Variants in PRMT3 observed in about 807,000 individuals in gnomAD.
PRMT3 encodes the protein protein arginine methyltransferase 3, also known as protein arginine N-methyltransferase 3.
A neutral mutation model predicts 71.9 loss-of-function variants in PRMT3; 62 were observed. The ratio of observed to expected loss-of-function variants is 0.86; its 90% CI spans 0.70 to 1.07. The LOEUF is 1.07. PRMT3 is among the 50% of genes least tolerant of loss of function. The probability of loss-of-function intolerance (pLI) is 0.00; values close to 1 mark genes in which losing one functional copy is unlikely to be tolerated. For missense variants in PRMT3, 663 were observed against 643.0 expected (o/e 1.03, Z -0.34); for synonymous variants, 213 against 220.4 (o/e 0.97, Z 0.30).
chr11:20,390,490 A>G (rs1848688937), intron 3 of PRMT3, among the ~76,000 whole-genome samples: 1 of 152,242 alleles, frequency 6.6e-6, no homozygotes, highest in Non-Finnish European at 1.5e-5. Context: ...AGCTCAAAGC[A>G]TGACATGAAC....
At chr11:20,427,686 A>G (rs571442684) in intron 10 of PRMT3, among the ~76,000 whole-genome samples, 28 of 152,254 alleles carry the variant, frequency 1.8e-4, no homozygotes, top group African/African-American at 6.7e-4. Context: ...GGATCACGCC[A>G]CTGCACCCCA....
intron 9 of PRMT3, 91 bp downstream of exon 9, chr11:20,408,123 G>GTTTT: frequency 1.1e-6 from 1 of 878,928 alleles, no homozygotes; most frequent in Non-Finnish European, 1.6e-6. Context: ...ATCTAAGGCA[G>GTTTT]ACTAAAGACA....
chr11:20,464,807 G>A (rs374954755), intron 13 of PRMT3, among the ~76,000 whole-genome samples: 1 of 152,082 alleles, frequency 6.6e-6, no homozygotes, highest in Non-Finnish European at 1.5e-5. Flanking sequence ...TTCCTATCAC[G>A]TGGTTAGTCA....
chr11:20,470,580 G>T (rs1367025966), intron 13 of PRMT3, among the ~76,000 whole-genome samples: 2 of 152,114 alleles, frequency 1.3e-5, no homozygotes, highest in African/African-American at 4.8e-5. Context: ...CCTTTTTAGG[G>T]CTGCATAGTA....
At position 20,387,879 on chromosome 11, in the gene PRMT3, G is replaced by T. The variant is rs756283411; in HGVS notation, c.28+105G>T. The T allele has an allele frequency of 3.3e-6, 5 of 1,534,808 alleles. No individual in the cohort carries two copies. Among genetic ancestry groups the T allele is most frequent in the Non-Finnish European group, 4.4e-6 (5 of 1,138,926 alleles). Reference sequence around the variant, plus strand: ...GACACGGGCCCGGGCAGGGTGGGGGGCTCGCAGGGATCATGAAGGAGGTGC... The same window carrying T: ...GACACGGGCCCGGGCAGGGTGGGGGTCTCGCAGGGATCATGAAGGAGGTGC... On this transcript the variant is annotated intron_variant, in intron 1 of 15. Transcript: ENST00000331079. The surrounding 1 kb of genome is among the most constrained non-coding windows in gnomAD (Gnocchi z 4.3).
At chr11:20,395,238 A>G (rs891423009) in intron 5 of PRMT3, among the ~76,000 whole-genome samples, 8 of 152,044 alleles carry the variant, frequency 5.3e-5, no homozygotes, top group African/African-American at 1.7e-4. Flanking sequence ...ATAATTAATA[A>G]TTAATATTTA....
At chr11:20,479,633 G>C (rs1397715479) in intron 13 of PRMT3, among the ~76,000 whole-genome samples, 1 of 152,174 alleles carries the variant, frequency 6.6e-6, no homozygotes, top group East Asian at 1.9e-4. Context: ...AGGTTTGTCA[G>C]AGGTTCTCTA....
At chr11:20,506,816 A>G (rs981312833) in intron 15 of PRMT3, among the ~76,000 whole-genome samples, 1 of 152,214 alleles carries the variant, frequency 6.6e-6, no homozygotes, top group African/African-American at 2.4e-5. Flanking sequence ...CAACTTAGCA[A>G]TTTGTTACTT....
chr11:20,461,940 G>A lies in PRMT3; in HGVS notation c.1073-40G>A, dbSNP rs748481084. 2.3e-5 allele frequency: 33 copies of A among 1,439,568 alleles called. 1 individual carries two copies. The South Asian group carries it at 3.1e-4, about 14-fold the overall frequency. The allele number at this position is 1,439,568 out of a possible 1,614,324, so 89.2% of individuals were successfully genotyped here. On this transcript the variant is annotated intron_variant, in intron 11 of 15. Coordinates refer to ENST00000331079, the MANE Select transcript of PRMT3 (RefSeq NM_005788.4). The stretch of plus-strand genomic sequence containing the variant: ...TAAAAAATTATATTCCATAAGAAAG[G>A]GAGATAATGCTTAATTGTTGGGCAT...
At chr11:20,435,695 T>C (rs939340037) in intron 10 of PRMT3, among the ~76,000 whole-genome samples, 4 of 152,192 alleles carry the variant, frequency 2.6e-5, no homozygotes, top group Admixed American at 2.6e-4. Flanking sequence ...GTTATTTTGG[T>C]CTATGTGTCT....
At chr11:20,442,519 T>G (rs576304418) in intron 10 of PRMT3, among the ~76,000 whole-genome samples, 1 of 152,322 alleles carries the variant, frequency 6.6e-6, no homozygotes, top group Non-Finnish European at 1.5e-5. Context: ...ATATTCACCC[T>G]TATGCAAAAG....
intron 11 of PRMT3, among the ~76,000 whole-genome samples, chr11:20,459,034 C>G (rs1850326858): frequency 6.6e-6 from 1 of 152,020 alleles, no homozygotes; most frequent in African/African-American, 2.4e-5. Flanking sequence ...GTTTTATAGG[C>G]CATATAGCCT....
rs749385361 is a variant in PRMT3 at position 20,407,879 on chromosome 11, G to A, written c.772-32G>A. ...TATAGAGACCTTTTTGATAACATCT[G>A]TTTTGTTTTGGTTTTTTCTTAATTA... On this transcript the variant is annotated intron_variant, in intron 8 of 15. Transcript: ENST00000331079. 7 of 1,573,290 alleles carry A rather than the reference G, an allele frequency of 4.4e-6. No individual in the cohort carries two copies. The South Asian group carries it at 7.9e-5, about 18-fold the overall frequency.
intron 5 of PRMT3, among the ~76,000 whole-genome samples, chr11:20,395,338 T>TTTA (rs905606818): frequency 1.3e-4 from 19 of 151,600 alleles, no homozygotes; most frequent in Middle Eastern, 6.8e-3. Context: ...ATGATAAATA[T>TTTA]TTATTATTAT....
In PRMT3 at chr11:20,508,771, A is replaced by G. The variant is rs776144062; in HGVS notation, c.*358A>G. ...AAGTTTCTTACTATAAATTTTAAAC[A>G]AATTGGTTAGTTATTTGGATATTTT... is the stretch of plus-strand genomic sequence containing the variant. On this transcript the variant is annotated 3_prime_UTR_variant, in exon 16 of 16. Transcript: ENST00000331079. 1.9e-4 allele frequency: 59 copies of G among 308,100 alleles called. No individual in the cohort carries two copies. Among genetic ancestry groups the G allele is most frequent in the Admixed American group, 3.2e-4 (8 of 25,232 alleles). 19.1% of individuals were successfully genotyped at this position (308,100 alleles called of 1,614,324 possible). A position where few individuals can be genotyped will look rare whatever the true frequency, so the allele number is the denominator to read the frequency against.
chr11:20,407,762 T>G (rs867738066), intron 8 of PRMT3, 149 bp from the exon 9 acceptor site: 2 of 672,056 alleles, frequency 3.0e-6, no homozygotes, highest in African/African-American at 1.8e-5. Context: ...GCCAAAGGAT[T>G]ACAGGCGTGA....
chr11:20,393,656 A>G (rs1848765037), intron 5 of PRMT3: 1 of 152,188 alleles, frequency 6.6e-6, no homozygotes, highest in African/African-American at 2.4e-5. Context: ...AGACTGTTCT[A>G]GCAAATTGTA....
chr11:20,393,063 A>G, intron 5 of PRMT3, 64 bp downstream of exon 5: 2 of 1,007,874 alleles, frequency 2.0e-6, no homozygotes, highest in South Asian at 2.8e-5. Flanking sequence ...GGCAAAATGG[A>G]GGTAGAGTGT....
intron 10 of PRMT3, among the ~76,000 whole-genome samples, chr11:20,436,047 A>C (rs1204071513): frequency 2.0e-5 from 3 of 152,118 alleles, no homozygotes; most frequent in Admixed American, 2.0e-4. Flanking sequence ...TCTTTGTTTA[A>C]AGTTATTCCT....
Sources: gnomAD v4.1 joint callset for allele counts (sites outside exome capture counted in the v4.1 genomes callset) on GRCh38, gnomAD v4.1.1 for gene constraint, Gnocchi (gnomAD v3.1) non-coding constraint, MANE v1.5 for transcripts, NCBI Gene and HGNC (gene_info 2026-07-23, HGNC 2026-07-21) for gene names.